The following PRDM16 variants were observed in gnomAD, a reference collection of about 807,000 sequenced individuals.
PRDM16 encodes the protein PR/SET domain 16, also known as histone-lysine N-methyltransferase PRDM16.
PRDM16 carries 23 observed loss-of-function variants against 110.6 expected under a neutral mutation model. The ratio of observed to expected loss-of-function variants is 0.21; its 90% CI spans 0.15 to 0.29. The LOEUF is 0.29. Ranked by LOEUF, PRDM16 falls within the 10% of genes least tolerant of loss-of-function variation. The pLI is 1.00. For synonymous variants in PRDM16, 799 were observed against 781.8 expected, an observed-to-expected ratio of 1.02 and a Z score of -0.37; for missense variants, 1,615 against 1,794.3, an observed-to-expected ratio of 0.90 and a Z score of 1.81.
intron 1 of PRDM16, 130 bp from the exon 2 acceptor site, chr1:3,185,995 G>A (rs1644262385): frequency 5.5e-6 from 4 of 723,582 alleles, no homozygotes; most frequent in Admixed American, 2.4e-5. Flanking sequence ...GGGCAGGGGT[G>A]GCAGCCGGGC....
intron 1 of PRDM16, among the ~76,000 whole-genome samples, chr1:3,129,181 A>AGT (rs56967751): frequency 0.58 from 83,803 of 145,194 alleles, 26,023 homozygotes; most frequent in African/African-American, 0.86. Flanking sequence ...GATCCTGCCT[A>AGT]GTGTGTGGGT....
At chr1:3,269,409 G>C (rs150652962) in intron 3 of PRDM16, among the ~76,000 whole-genome samples, 56 of 149,512 alleles carry the variant, frequency 3.7e-4, no homozygotes, top group African/African-American at 1.3e-3. Context: ...GAGGACAGTC[G>C]GGAGGAGGAC....
At chr1:3,231,953 A>T (rs1312248602) in intron 2 of PRDM16, among the ~76,000 whole-genome samples, 2 of 152,146 alleles carry the variant, frequency 1.3e-5, no homozygotes, top group African/African-American at 4.8e-5. Context: ...TTCCCAGCAG[A>T]TCAGCCCGGA....
intron 8 of PRDM16, among the ~76,000 whole-genome samples, chr1:3,411,029 A>G (rs1643676080): frequency 6.6e-6 from 1 of 151,438 alleles, no homozygotes; most frequent in Non-Finnish European, 1.5e-5. Context: ...ACTGGAGGCC[A>G]GTCTTGGGTG....
chr1:3,180,982 GC>G (rs1557507448), intron 1 of PRDM16, among the ~76,000 whole-genome samples: 9 of 142,008 alleles, frequency 6.3e-5, no homozygotes, highest in Non-Finnish European at 1.2e-4. Context: ...TCTTACACAC[GC>G]AGTCTTACAC....
intron 3 of PRDM16, among the ~76,000 whole-genome samples, chr1:3,271,217 C>G (rs1403080426): frequency 6.6e-6 from 1 of 152,216 alleles, no homozygotes; most frequent in Non-Finnish European, 1.5e-5. Flanking sequence ...ATACAGATAT[C>G]CCTCGAGGAA....
rs1642117468 is a variant in PRDM16, at chr1:3,335,100, G to A, written c.439-50052G>A. On this transcript the variant is annotated intron_variant, in intron 3 of 16. Coordinates refer to ENST00000270722, the MANE Select transcript of PRDM16 (RefSeq NM_022114.4). ...CCCCCCTGTGGCTTCAGGAGGGTGG[G>A]CGCCCTGAGAGAACTCGCTTCAAGG... is the stretch of plus-strand genomic sequence containing the variant. Among the ~76,000 whole-genome samples, 3 of 152,284 alleles carry A rather than the reference G, an allele frequency of 2.0e-5. No homozygotes were observed. In the South Asian group the frequency reaches 6.2e-4, roughly 32 times the overall value.
intron 3 of PRDM16, among the ~76,000 whole-genome samples, chr1:3,320,925 C>T (rs542472577): frequency 5.3e-4 from 80 of 152,308 alleles, no homozygotes; most frequent in African/African-American, 1.9e-3. Flanking sequence ...GCCCTCCCTG[C>T]CCACTTGATC....
intron 2 of PRDM16, among the ~76,000 whole-genome samples, chr1:3,199,150 ATGCT>A (rs1055674893): frequency 2.6e-5 from 4 of 152,078 alleles, no homozygotes; most frequent in Admixed American, 6.5e-5. Flanking sequence ...GGGGATTAGG[ATGCT>A]TGCTTGCTCC....
chr1:3,210,536 T>G (rs1638859480), intron 2 of PRDM16, among the ~76,000 whole-genome samples: 1 of 152,244 alleles, frequency 6.6e-6, no homozygotes, highest in African/African-American at 2.4e-5. Flanking sequence ...TGATTCCACT[T>G]ACTCAAGCCA....
chr1:3,351,746 CT>C (rs907379549), intron 3 of PRDM16, among the ~76,000 whole-genome samples: 2 of 118,976 alleles, frequency 1.7e-5, no homozygotes, highest in Admixed American at 1.7e-4. Flanking sequence ...CTCTCCCTCT[CT>C]CCCCCCCCTC....
Position 3,147,196 on chromosome 1 carries a change from C to A in PRDM16, c.38-38929C>A, listed in dbSNP as rs148102489. On this transcript the variant is annotated intron_variant, in intron 1 of 16. Coordinates refer to ENST00000270722, the MANE Select transcript of PRDM16 (RefSeq NM_022114.4). ...CGTGTGTGCTCGGTGTGGGTGTGGA[C>A]GTGTGTGTTCAGTGTGGGGTGTGTG... 1.1e-3 allele frequency among the ~76,000 whole-genome samples: 159 copies of A among 149,814 alleles called. 1 individual carries two copies. The highest frequency in any genetic ancestry group is 3.9e-3 in the African/African-American group (158 of 40,456).
rs747737208 is a variant in PRDM16 at position 3,414,582 on chromosome 1, A to G, written c.2626A>G (p.Thr876Ala). Residue 876 changes from threonine (T) to alanine (A), a missense_variant, in exon 10 of 17, where the codon ACA becomes GCA. Around this residue, in one of 5 missense-constraint regions of PRDM16, gnomAD observed 772 missense variants for 748.3 expected, o/e 1.03. Coordinates refer to ENST00000270722, the MANE Select transcript of PRDM16 (RefSeq NM_022114.4). ...IYSRVEKRKV[T>A]DPVGALKEKY... ...CAGCAGGGTAGAAAAGCGGAAGGTCACAGACCCCGTGGGAGCCCTGAAGGA... is the reference window on the plus strand; with the variant it reads ...CAGCAGGGTAGAAAAGCGGAAGGTCGCAGACCCCGTGGGAGCCCTGAAGGA... The G allele has an allele frequency of 2.5e-6, 4 of 1,613,402 alleles. No homozygotes were observed. The highest frequency in any genetic ancestry group is 3.4e-6 in the Non-Finnish European group (4 of 1,179,798).
At chr1:3,200,353 T>C (rs1290757239) in intron 2 of PRDM16, among the ~76,000 whole-genome samples, 1 of 152,180 alleles carries the variant, frequency 6.6e-6, no homozygotes, top group African/African-American at 2.4e-5. Flanking sequence ...TTTTATTTTT[T>C]ATTTTTTGAG....
At chr1:3,295,998 G>T (rs192188613) in intron 3 of PRDM16, among the ~76,000 whole-genome samples, 1 of 152,136 alleles carries the variant, frequency 6.6e-6, no homozygotes, top group South Asian at 2.1e-4. Flanking sequence ...CCTGGGTGGG[G>T]CTGGGCAGGA....
At chr1:3,106,287 C>A (rs1211655674) in intron 1 of PRDM16, among the ~76,000 whole-genome samples, 1 of 152,178 alleles carries the variant, frequency 6.6e-6, no homozygotes, top group Non-Finnish European at 1.5e-5. Context: ...AACCTGGAAG[C>A]TGAAGGAGAG....
intron 4 of PRDM16, among the ~76,000 whole-genome samples, chr1:3,395,389 C>G (rs537985936): frequency 2.0e-5 from 3 of 152,288 alleles, no homozygotes; most frequent in South Asian, 4.2e-4. Flanking sequence ...TCTAGACCCA[C>G]TCTGTTTTCT....
At chr1:3,173,692 T>C (rs1644054401) in intron 1 of PRDM16, among the ~76,000 whole-genome samples, 1 of 152,232 alleles carries the variant, frequency 6.6e-6, no homozygotes, top group Admixed American at 6.5e-5. Context: ...GCCCTTCCCC[T>C]TGGCAGCGGA....
At chr1:3,414,778 C>A in intron 10 of PRDM16, 131 bp downstream of exon 10, 1 of 680,782 alleles carries the variant, frequency 1.5e-6, no homozygotes, top group Non-Finnish European at 2.6e-6. Flanking sequence ...CAGACGCCCT[C>A]AAAGGCAGAG....
Sources: gnomAD v4.1 joint callset for allele counts (sites outside exome capture counted in the v4.1 genomes callset) on GRCh38, gnomAD v4.1.1 for gene constraint, gnomAD v4.1.1 regional missense constraint, MANE v1.5 for transcripts, NCBI Gene and HGNC (gene_info 2026-07-23, HGNC 2026-07-21) for gene names.